Variants in ZFPM2 observed in about 807,000 individuals in gnomAD.
The protein encoded by ZFPM2 is zinc finger protein ZFPM2.
A neutral mutation model predicts 98.6 loss-of-function variants in ZFPM2; 20 were observed. The ratio of observed to expected loss-of-function variants is 0.20; its 90% CI spans 0.14 to 0.29. The LOEUF (loss-of-function observed/expected upper bound fraction) is 0.29. ZFPM2 is among the 10% of genes least tolerant of loss of function. The pLI is 1.00. For missense variants in ZFPM2, 1,310 were observed against 1,388.6 expected (o/e 0.94, Z 0.90); for synonymous variants, 518 against 502.7 (o/e 1.03, Z -0.41).
chr8:105,400,861 A>C (rs1811326081), intron 1 of ZFPM2, among the ~76,000 whole-genome samples: 1 of 152,066 alleles, frequency 6.6e-6, no homozygotes, highest in South Asian at 2.1e-4. Context: ...CAACATTGAC[A>C]CCGGGGCTAA....
intron 5 of ZFPM2, among the ~76,000 whole-genome samples, chr8:105,710,093 T>C (rs1470277671): frequency 9.2e-6 from 1 of 108,466 alleles, no homozygotes; most frequent in Non-Finnish European, 2.1e-5. Flanking sequence ...AGTCTGATCC[T>C]TTTTTTTTTT....
chr8:105,610,335 A>G (rs1010473036), intron 4 of ZFPM2, among the ~76,000 whole-genome samples: 2 of 152,186 alleles, frequency 1.3e-5, no homozygotes, highest in African/African-American at 2.4e-5. Context: ...AAGAAGAGCA[A>G]AACATTAAAA....
At chr8:105,664,362 A>T (rs1399974149) in intron 5 of ZFPM2, among the ~76,000 whole-genome samples, 10 of 139,210 alleles carry the variant, frequency 7.2e-5, no homozygotes, top group Non-Finnish European at 1.1e-4. Context: ...TGTGTGTGTG[A>T]CAGAGTTTCG....
At chr8:105,429,417 A>G (rs1811975809) in intron 2 of ZFPM2, among the ~76,000 whole-genome samples, 1 of 146,786 alleles carries the variant, frequency 6.8e-6, no homozygotes, top group Non-Finnish European at 1.5e-5. Context: ...TAAGAAGGGA[A>G]AGAAAACGTG....
intron 2 of ZFPM2, among the ~76,000 whole-genome samples, chr8:105,419,895 A>G (rs1357675999): frequency 6.8e-6 from 1 of 147,636 alleles, no homozygotes; most frequent in Non-Finnish European, 1.5e-5. Context: ...TCCAGCCATG[A>G]CTTGGAGCCA....
chr8:105,538,252 G>T (rs1482812885), intron 3 of ZFPM2, among the ~76,000 whole-genome samples: 1 of 152,028 alleles, frequency 6.6e-6, no homozygotes, highest in Non-Finnish European at 1.5e-5. Flanking sequence ...TGGGTAAGAT[G>T]ATATTTACTT....
intron 1 of ZFPM2, among the ~76,000 whole-genome samples, chr8:105,362,163 A>C (rs1297987747): frequency 6.6e-6 from 1 of 152,100 alleles, no homozygotes; most frequent in Non-Finnish European, 1.5e-5. Context: ...TCTAGCTTAG[A>C]TCTGAGACTC....
chr8:105,403,650 C>A (rs1445888774), intron 1 of ZFPM2, among the ~76,000 whole-genome samples: 1 of 151,924 alleles, frequency 6.6e-6, no homozygotes, highest in Non-Finnish European at 1.5e-5. Context: ...GAACTCCCAA[C>A]TCCTAGGTGC....
intron 5 of ZFPM2, among the ~76,000 whole-genome samples, chr8:105,647,476 CATTA>C (rs1318846533): frequency 2.0e-5 from 3 of 151,782 alleles, no homozygotes; most frequent in African/African-American, 7.3e-5. Flanking sequence ...GTGCTGCACC[CATTA>C]ACTCATCATT....
At chr8:105,459,841 G>A (rs1031771085) in intron 3 of ZFPM2, among the ~76,000 whole-genome samples, 1 of 152,094 alleles carries the variant, frequency 6.6e-6, no homozygotes, top group African/African-American at 2.4e-5. Context: ...TATGAGTTTT[G>A]GGGGAACACA....
intron 5 of ZFPM2, among the ~76,000 whole-genome samples, chr8:105,652,274 G>A (rs1278533676): frequency 3.4e-5 from 5 of 147,602 alleles, no homozygotes; most frequent in Non-Finnish European, 5.9e-5. Context: ...TACCACTGAT[G>A]TAGAAGTCAA....
intron 3 of ZFPM2, among the ~76,000 whole-genome samples, chr8:105,522,980 G>T (rs1586434340): frequency 6.6e-6 from 1 of 152,210 alleles, no homozygotes; most frequent in East Asian, 1.9e-4. Context: ...AATTTGATGA[G>T]TGGAAATATA....
At chr8:105,565,128 C>A (rs1163222316) in intron 4 of ZFPM2, among the ~76,000 whole-genome samples, 1 of 152,122 alleles carries the variant, frequency 6.6e-6, no homozygotes, top group Non-Finnish European at 1.5e-5. Context: ...AGTCACCATG[C>A]CAGATGTCAA....
intron 1 of ZFPM2, among the ~76,000 whole-genome samples, chr8:105,351,806 G>A (rs1812651680): frequency 6.6e-6 from 1 of 151,810 alleles, no homozygotes; most frequent in African/African-American, 2.4e-5. Flanking sequence ...GAAAAAGATG[G>A]GAGGTCATTT....
At chr8:105,334,118 CTGTGTGTGTGTGTGTG>C (rs71305145) in intron 1 of ZFPM2, among the ~76,000 whole-genome samples, 13 of 120,450 alleles carry the variant, frequency 1.1e-4, no homozygotes, top group African/African-American at 3.1e-4. Context: ...TAGTAATAAA[CTGTGTGTGTGTGTGTG>C]TGTGTGTGTG....
intron 5 of ZFPM2, among the ~76,000 whole-genome samples, chr8:105,717,651 C>A (rs1299141851): frequency 6.6e-6 from 1 of 151,688 alleles, no homozygotes; most frequent in Non-Finnish European, 1.5e-5. Flanking sequence ...AAATAGTAGA[C>A]CCTTGAGAGT....
chr8:105,357,307 TCAGA>T (rs1812767493), intron 1 of ZFPM2, among the ~76,000 whole-genome samples: 1 of 152,226 alleles, frequency 6.6e-6, no homozygotes, highest in African/African-American at 2.4e-5. Context: ...ACTAATAGTG[TCAGA>T]CAGTTTGACA....
intron 5 of ZFPM2, among the ~76,000 whole-genome samples, chr8:105,649,266 A>C (rs189074657): frequency 4.6e-5 from 7 of 152,314 alleles, no homozygotes; most frequent in African/African-American, 1.2e-4. Context: ...TTATCAGCTT[A>C]AGGAGATTTT....
intron 3 of ZFPM2, among the ~76,000 whole-genome samples, chr8:105,499,435 A>T (rs75125877): frequency 2.2e-4 from 34 of 152,272 alleles, no homozygotes; most frequent in Non-Finnish European, 4.1e-4. Flanking sequence ...TACTTTTCTA[A>T]AGAGGATATT....
Sources: gnomAD v4.1 joint callset for allele counts (sites outside exome capture counted in the v4.1 genomes callset) on GRCh38, gnomAD v4.1.1 for gene constraint, MANE v1.5 for transcripts, NCBI Gene and HGNC (gene_info 2026-07-23, HGNC 2026-07-21) for gene names.